The following MYH14 variants were observed in gnomAD, a reference collection of about 807,000 sequenced individuals.
MYH14 encodes myosin heavy chain 14.
In MYH14, 123 loss-of-function variants were observed where a neutral mutation model predicts 255.5. The observed-to-expected ratio is 0.48, with a 90% CI of 0.42 to 0.56. The LOEUF is 0.56. Among genes scored for constraint, MYH14 ranks in the 20% least tolerant of loss-of-function variants. The pLI, the probability that MYH14 is intolerant of heterozygous loss-of-function variation, is 0.00. For synonymous variants in MYH14, 1,095 were observed against 1,161.2 expected (o/e 0.94, Z 1.16); for missense variants, 2,423 against 2,802.3 (o/e 0.86, Z 3.06).
In MYH14 at chr19:50,243,044, C is replaced by T. The variant is rs370109853; in HGVS notation, c.1115-1198C>T. 4.5e-4 allele frequency among the ~76,000 whole-genome samples: 69 copies of T among 152,262 alleles called. 1 individual carries two copies. The South Asian group carries it at 0.014, about 31-fold the overall frequency. Reference sequence around the variant, plus strand: ...TAAAATACGTGTGTGAGATCAGCTTCCTCCAGGTGCGAGTTACGGTGCTGT... The same window carrying T: ...TAAAATACGTGTGTGAGATCAGCTTTCTCCAGGTGCGAGTTACGGTGCTGT... On this transcript the variant is annotated intron_variant, in intron 10 of 42. Coordinates refer to ENST00000642316, the MANE Select transcript of MYH14 (RefSeq NM_001145809.2).
Position 50,250,098 on chromosome 19 carries a change from G to A in MYH14, c.1656+275G>A, listed in dbSNP as rs1390233270. ...CGTTTGTTTTTTGTTTGTTTGTTTT[G>A]TTTTGTTTTGTTTTTTTCTTGAGAC... On this transcript the variant is annotated intron_variant, in intron 14 of 42. Coordinates refer to ENST00000642316, the MANE Select transcript of MYH14 (RefSeq NM_001145809.2). This position sits in a 1 kb window ranked among gnomAD's most constrained non-coding sequence, Gnocchi z 5.4. 6.6e-6 allele frequency among the ~76,000 whole-genome samples: 1 copy of A among 151,988 alleles called. No homozygotes were observed. Among genetic ancestry groups the A allele is most frequent in the East Asian group, 1.9e-4 (1 of 5,188 alleles).
At position 50,271,466 on chromosome 19, in the gene MYH14, A is replaced by T. The variant is rs1470596565; in HGVS notation, c.3091A>T (p.Lys1031Ter). Residue 1031 changes from lysine to a stop codon, truncating the protein, a stop_gained, in exon 25 of 43, where the codon AAG (lysine) becomes TAG (stop). Transcript: ENST00000642316. LOFTEE classifies it high-confidence loss of function. ...EGARQKLQLE[K>*]VTTEAKMKKF... ...TGCGCGGCAGAAGCTGCAGCTGGAG[A>T]AGGTGACGACAGAGGCAAAAATGAA... The T allele has an allele frequency of 6.2e-7, 1 of 1,608,370 alleles. No homozygotes were observed. The highest frequency in any genetic ancestry group is 8.5e-7 in the Non-Finnish European group (1 of 1,177,518).
intron 33 of MYH14, among the ~76,000 whole-genome samples, chr19:50,282,606 G>A (rs1458455149): frequency 6.6e-6 from 1 of 152,146 alleles, no homozygotes; most frequent in African/African-American, 2.4e-5. Context: ...GGGAGGCTGA[G>A]GCAGGAGAAT....
Position 50,252,361 on chromosome 19 carries a change from A to G in MYH14, c.1831-278A>G, listed in dbSNP as rs540403314. 6.6e-6 allele frequency among the ~76,000 whole-genome samples: 1 copy of G among 152,228 alleles called. No individual in the cohort carries two copies. The highest frequency in any genetic ancestry group is 2.1e-4 in the South Asian group (1 of 4,816). ...GGGAGTAAGCTCGCATGTTTGAGGA[A>G]CAGTGCGGAGGCCAGGGTGGCTGGA... On this transcript the variant is annotated intron_variant, in intron 15 of 42. Coordinates refer to ENST00000642316, the MANE Select transcript of MYH14 (RefSeq NM_001145809.2). This position sits in a 1 kb window ranked among gnomAD's most constrained non-coding sequence, Gnocchi z 4.2.
intron 1 of MYH14, among the ~76,000 whole-genome samples, chr19:50,208,093 T>C (rs1441645174): frequency 1.3e-5 from 2 of 152,198 alleles, no homozygotes; most frequent in Non-Finnish European, 2.9e-5. Flanking sequence ...CCCTGGTTTA[T>C]TCCTCCCCTT....
At position 50,246,217 on chromosome 19, in the gene MYH14, G is replaced by T. The variant is rs544574529; in HGVS notation, c.1211-787G>T. On this transcript the variant is annotated intron_variant, in intron 11 of 42. Transcript: ENST00000642316. Reference sequence around the variant, plus strand: ...TGCAGTGGCACCATCTCAGCTCACTGCAACCTCTACCTCCTGGGTTCAAGC... The same window carrying T: ...TGCAGTGGCACCATCTCAGCTCACTTCAACCTCTACCTCCTGGGTTCAAGC... Among the ~76,000 whole-genome samples the T allele has an allele frequency of 2.2e-4, 34 of 151,158 alleles. No homozygotes were observed. The South Asian group carries it at 2.3e-3, about 10-fold the overall frequency.
intron 18 of MYH14, among the ~76,000 whole-genome samples, chr19:50,258,209 C>A (rs796491911): frequency 2.0e-5 from 3 of 151,462 alleles, no homozygotes; most frequent in African/African-American, 7.3e-5. Context: ...GGATTACAGG[C>A]GTGAGCCACC....
intron 39 of MYH14, 41 bp from the exon 40 acceptor site, chr19:50,301,620 G>C (rs1304971571): frequency 6.4e-7 from 1 of 1,552,512 alleles, no homozygotes; most frequent in African/African-American, 1.4e-5. Context: ...CCTTCCCTCT[G>C]AGACTCCACC....
chr19:50,219,243 CAT>C (rs1478682042), intron 3 of MYH14, among the ~76,000 whole-genome samples: 9 of 151,476 alleles, frequency 5.9e-5, no homozygotes, highest in Non-Finnish European at 8.8e-5. Context: ...CTGCTATAAA[CAT>C]GTGTGTGCAA....
chr19:50,294,708 G>T (rs1234542446), intron 39 of MYH14, among the ~76,000 whole-genome samples: 2 of 148,252 alleles, frequency 1.3e-5, no homozygotes, highest in African/African-American at 2.5e-5. Flanking sequence ...CAGCCTGGGT[G>T]ACTGGATGAC....
intron 18 of MYH14, among the ~76,000 whole-genome samples, chr19:50,257,852 T>G (rs1419746242): frequency 6.6e-6 from 1 of 152,170 alleles, no homozygotes; most frequent in Non-Finnish European, 1.5e-5. Flanking sequence ...GGGCTTGATC[T>G]GGTCAGTGAA....
At chr19:50,206,429 G>C (rs1407711358) in intron 1 of MYH14, among the ~76,000 whole-genome samples, 1 of 151,172 alleles carries the variant, frequency 6.6e-6, no homozygotes, top group African/African-American at 2.4e-5. Flanking sequence ...GGGGTGGGTG[G>C]GGGTGAGGGT....
At chr19:50,262,854 A>C (rs1226974915) in intron 21 of MYH14, among the ~76,000 whole-genome samples, 1 of 152,146 alleles carries the variant, frequency 6.6e-6, no homozygotes, top group African/African-American at 2.4e-5. Flanking sequence ...ATCTCAAAGT[A>C]ATAAGAGTGC....
chr19:50,268,576 A>G (rs1210971046), intron 24 of MYH14, among the ~76,000 whole-genome samples: 1 of 152,382 alleles, frequency 6.6e-6, no homozygotes, highest in Middle Eastern at 3.4e-3. Context: ...CCAGGCATCC[A>G]AGTGATATGT....
chr19:50,290,268 T>C (rs1319317383), intron 35 of MYH14, among the ~76,000 whole-genome samples: 1 of 149,114 alleles, frequency 6.7e-6, no homozygotes, highest in Non-Finnish European at 1.5e-5. Flanking sequence ...TCCATCCACA[T>C]CCTTCCCCAA....
intron 39 of MYH14, among the ~76,000 whole-genome samples, chr19:50,296,437 G>C (rs1209601680): frequency 6.8e-6 from 1 of 146,214 alleles, no homozygotes; most frequent in African/African-American, 2.8e-5. Flanking sequence ...GTAAGACCCC[G>C]TCTCTACAAA....
chr19:50,295,980 G>A (rs949566653), intron 39 of MYH14, among the ~76,000 whole-genome samples: 3 of 151,746 alleles, frequency 2.0e-5, no homozygotes, highest in East Asian at 1.9e-4. Context: ...GCGTGATGGC[G>A]GGCACCTGTA....
rs192555989 is a variant in MYH14 at position 50,207,856 on chromosome 19, G to A, written c.-3-2507G>A. On this transcript the variant is annotated intron_variant, in intron 1 of 42. Transcript: ENST00000642316. ...CATCCCCTCCCACCCTCTGCCCCTC[G>A]ATCATTTGGCTCTAGCCATGCTGCC... Among the ~76,000 whole-genome samples the A allele has an allele frequency of 9.6e-4, 146 of 152,052 alleles. 1 individual carries two copies. The highest frequency in any genetic ancestry group is 1.5e-3 in the Non-Finnish European group (101 of 68,002).
intron 17 of MYH14, among the ~76,000 whole-genome samples, chr19:50,256,886 T>A (rs1335076953): frequency 2.0e-5 from 3 of 152,254 alleles, no homozygotes; most frequent in African/African-American, 7.2e-5. Flanking sequence ...GAATGATTCT[T>A]ACAGGCTTAT....
Sources: gnomAD v4.1 joint callset for allele counts (sites outside exome capture counted in the v4.1 genomes callset) on GRCh38, gnomAD v4.1.1 for gene constraint, Gnocchi (gnomAD v3.1) non-coding constraint, MANE v1.5 for transcripts, NCBI Gene and HGNC (gene_info 2026-07-23, HGNC 2026-07-21) for gene names.